Variants in SDK1 observed in about 807,000 individuals in gnomAD.
SDK1 encodes protein sidekick-1.
Under a neutral mutation model 245.5 loss-of-function variants are expected in SDK1, and 157 were observed. The observed-to-expected ratio is 0.64, with a 90% CI of 0.56 to 0.73. SDK1 has a LOEUF of 0.73. Ranked by LOEUF, SDK1 falls within the 30% of genes least tolerant of loss-of-function variation. The pLI is 0.00. For synonymous variants in SDK1, 1,647 were observed against 1,278.5 expected, an observed-to-expected ratio of 1.29 and a Z score of -6.15; for missense variants, 3,583 against 3,002.3, an observed-to-expected ratio of 1.19 and a Z score of -4.52.
intron 1 of SDK1, among the ~76,000 whole-genome samples, chr7:3,481,444 T>G (rs370324918): frequency 6.6e-6 from 1 of 152,236 alleles, no homozygotes; most frequent in Non-Finnish European, 1.5e-5. Context: ...CCTCTAGATA[T>G]GCCCTCTACA....
At chr7:3,377,581 C>A (rs1000030580) in intron 1 of SDK1, among the ~76,000 whole-genome samples, 1 of 151,994 alleles carries the variant, frequency 6.6e-6, no homozygotes, top group African/African-American at 2.4e-5. Context: ...CACGACTCCC[C>A]GTCTCTGTGT....
At chr7:3,665,065 G>C (rs142245196) in intron 4 of SDK1, among the ~76,000 whole-genome samples, 2 of 152,294 alleles carry the variant, frequency 1.3e-5, no homozygotes, top group African/African-American at 4.8e-5. Context: ...ATGAATTAAT[G>C]ATGTAAGTCT....
At chr7:3,821,640 A>G in intron 5 of SDK1, 57 bp downstream of exon 5, 2 of 1,577,328 alleles carry the variant, frequency 1.3e-6, no homozygotes, top group Non-Finnish European at 8.7e-7. Flanking sequence ...TGCTTTAATC[A>G]GTAACCACTG....
chr7:4,190,831 G>T (rs1349237851), intron 35 of SDK1, among the ~76,000 whole-genome samples: 7 of 152,208 alleles, frequency 4.6e-5, no homozygotes, highest in Non-Finnish European at 8.8e-5. Context: ...TGGAGCTGTG[G>T]TGCCCCTAGG....
intron 5 of SDK1, among the ~76,000 whole-genome samples, chr7:3,840,790 CT>C (rs1330815733): frequency 8.5e-5 from 13 of 152,196 alleles, no homozygotes; most frequent in Non-Finnish European, 1.8e-4. Flanking sequence ...CCTCGCCTGA[CT>C]TGGATTCACA....
chr7:3,920,540 G>C (rs1179348629), intron 5 of SDK1, among the ~76,000 whole-genome samples: 1 of 152,108 alleles, frequency 6.6e-6, no homozygotes, highest in African/African-American at 2.4e-5. Flanking sequence ...GAGTATGTAA[G>C]GAACAGATTA....
In SDK1 at chr7:3,727,986, C is replaced by G. The variant is rs1779060196; in HGVS notation, c.713+85881C>G. 4.6e-5 allele frequency among the ~76,000 whole-genome samples: 7 copies of G among 152,206 alleles called. 1 individual carries two copies. In the South Asian group the frequency reaches 1.5e-3, roughly 32 times the overall value. On this transcript the variant is annotated intron_variant, in intron 4 of 44. Coordinates refer to ENST00000404826, the MANE Select transcript of SDK1 (RefSeq NM_152744.4). ...GGCAGTTTCTCCAACTTTGCTCGTT[C>G]TTGATGATCTTGACAGTTTGAAGGG...
rs942849121 is a variant in SDK1, at chr7:3,617,065, A to T, written c.299-2015A>T. 3.9e-5 allele frequency among the ~76,000 whole-genome samples: 6 copies of T among 152,226 alleles called. No homozygotes were observed. The East Asian group carries it at 1.2e-3, about 29-fold the overall frequency. ...ATTGAGCAAGTTATTTAACTTCTCCATGCTTCTGTTTATTCATTCTTAAAA... is the reference window on the plus strand; with the variant it reads ...ATTGAGCAAGTTATTTAACTTCTCCTTGCTTCTGTTTATTCATTCTTAAAA... On this transcript the variant is annotated intron_variant, in intron 1 of 44. Coordinates refer to ENST00000404826, the MANE Select transcript of SDK1 (RefSeq NM_152744.4).
chr7:3,947,392 A>G (rs1056631750), intron 5 of SDK1, among the ~76,000 whole-genome samples: 1 of 152,242 alleles, frequency 6.6e-6, no homozygotes. Flanking sequence ...GTTGAAATAA[A>G]TATACACTGT....
intron 27 of SDK1, among the ~76,000 whole-genome samples, chr7:4,131,209 GT>G (rs1345841449): frequency 6.6e-6 from 1 of 152,332 alleles, no homozygotes; most frequent in East Asian, 1.9e-4. Context: ...CACTGCAACT[GT>G]TCCCTCCTGA....
chr7:3,524,316 C>G (rs1456999485), intron 1 of SDK1, among the ~76,000 whole-genome samples: 1 of 152,046 alleles, frequency 6.6e-6, no homozygotes, highest in Non-Finnish European at 1.5e-5. Context: ...TAGGTTTTAA[C>G]AAAATTACTG....
At chr7:3,369,988 A>G (rs997409345) in intron 1 of SDK1, among the ~76,000 whole-genome samples, 7 of 152,230 alleles carry the variant, frequency 4.6e-5, no homozygotes, top group Admixed American at 2.0e-4. Flanking sequence ...CTAGCAAAGG[A>G]AAAGGACTTC....
At chr7:4,157,460 G>GGAA in intron 30 of SDK1, among the ~76,000 whole-genome samples, 3 of 28,592 alleles carry the variant, frequency 1.0e-4, no homozygotes, top group African/African-American at 6.7e-4. Context: ...GGAGGTGGAA[G>GGAA]GGAGAGAAGG....
chr7:4,200,509 G>A (rs895471725), intron 35 of SDK1, among the ~76,000 whole-genome samples: 2 of 152,250 alleles, frequency 1.3e-5, no homozygotes. Flanking sequence ...AACCAGGCCT[G>A]TGGTCTTCTC....
At chr7:3,535,221 A>G (rs976066908) in intron 1 of SDK1, among the ~76,000 whole-genome samples, 4 of 152,196 alleles carry the variant, frequency 2.6e-5, no homozygotes, top group African/African-American at 9.7e-5. Context: ...GGTTGGAGTG[A>G]GCCAAGATCA....
At chr7:3,377,935 T>C (rs938647686) in intron 1 of SDK1, among the ~76,000 whole-genome samples, 2 of 152,034 alleles carry the variant, frequency 1.3e-5, no homozygotes, top group Non-Finnish European at 2.9e-5. Context: ...CACGCCACCA[T>C]GCCCAGCTAA....
intron 1 of SDK1, among the ~76,000 whole-genome samples, chr7:3,327,761 A>C (rs549235415): frequency 1.3e-5 from 2 of 152,104 alleles, no homozygotes; most frequent in Non-Finnish European, 2.9e-5. Flanking sequence ...ATATTCATAC[A>C]TTTCTTTGCA....
intron 1 of SDK1, among the ~76,000 whole-genome samples, chr7:3,335,562 T>A (rs1032392935): frequency 1.3e-4 from 20 of 152,160 alleles, no homozygotes; most frequent in African/African-American, 4.6e-4. Context: ...ACAGGGAAAT[T>A]ATTCTACAGG....
At chr7:4,063,002 CTGAA>C (rs1779635901) in intron 19 of SDK1, among the ~76,000 whole-genome samples, 2 of 152,196 alleles carry the variant, frequency 1.3e-5, no homozygotes, top group African/African-American at 4.8e-5. Flanking sequence ...TAACATCACA[CTGAA>C]TGGGGAAAAG....
Sources: allele counts gnomAD v4.1 joint callset (sites outside exome capture counted in the v4.1 genomes callset), GRCh38; gene constraint gnomAD v4.1.1; transcripts MANE v1.5; gene names NCBI Gene and HGNC (gene_info 2026-07-23, HGNC 2026-07-21).